Variants in TUBGCP6 observed in about 807,000 individuals in gnomAD.
TUBGCP6 encodes tubulin gamma complex component 6, also known as gamma-tubulin complex component 6.
In TUBGCP6, 161 loss-of-function variants were observed where a neutral mutation model predicts 175.8. The ratio of observed to expected loss-of-function variants is 0.92; its 90% CI spans 0.81 to 1.04. The LOEUF is 1.04. Among genes scored for constraint, TUBGCP6 ranks in the 50% least tolerant of loss-of-function variants. TUBGCP6 has a pLI of 0.00. For synonymous variants in TUBGCP6, 1,173 were observed against 1,030.5 expected, an observed-to-expected ratio of 1.14 and a Z score of -2.65; for missense variants, 2,572 against 2,433.0, an observed-to-expected ratio of 1.06 and a Z score of -1.20.
In TUBGCP6 at chr22:50,219,278, G is replaced by A. The variant is rs1222095505; in HGVS notation, c.4484+10C>T. 1 of 1,607,128 alleles carries A rather than the reference G, an allele frequency of 6.2e-7. No homozygotes were observed. The highest frequency in any genetic ancestry group is 8.5e-7 in the Non-Finnish European group (1 of 1,177,804). On this transcript the variant is annotated intron_variant, in intron 19 of 24. Transcript: ENST00000248846. ...GGTGGGCAGACTGGCGCAGGGGCAG[G>A]GGCACTCACTGGGCGGCCAGCGGTG...
chr22:50,226,293 A>G lies in TUBGCP6; in HGVS notation c.1687T>C (p.Phe563Leu). Reference sequence around the variant, plus strand: ...GCAATCAGCTGCCACCTACCTCGGAAGCTGAGGTACTCGTGGTTCACCTGA... The same window carrying G: ...GCAATCAGCTGCCACCTACCTCGGAGGCTGAGGTACTCGTGGTTCACCTGA... ...MIQVNHEYLS[F>L]RDKLYWTHGY... The change falls in exon 8 of 25, where the codon TTC becomes CTC. Residue 563 changes from phenylalanine (F) to leucine (L), a missense_variant. Transcript: ENST00000248846. 6.2e-7 allele frequency: 1 copy of G among 1,613,950 alleles called. No homozygotes were observed. The highest frequency in any genetic ancestry group is 8.5e-7 in the Non-Finnish European group (1 of 1,179,976).
At chr22:50,234,888 T>G (rs1349787164) in intron 2 of TUBGCP6, among the ~76,000 whole-genome samples, 1 of 126,206 alleles carries the variant, frequency 7.9e-6, no homozygotes, top group East Asian at 2.6e-4. Flanking sequence ...CATGGCAGCA[T>G]CATCCACACC....
At position 50,227,018 on chromosome 22, in the gene TUBGCP6, G is replaced by T. The variant is rs2064622078; in HGVS notation, c.1472C>A (p.Pro491His). The change falls in exon 6 of 25, where the codon CCC becomes CAC. Residue 491 changes from proline (P) to histidine (H), a missense_variant. Pro to His is a moderately conservative substitution (Grantham distance 77). Transcript: ENST00000248846. ...AVLPGTCGGG[P>H]RAAFPTGVKL... ...ACTCACGGTGGGAAACGCGGCCCTG[G>T]GGCCTCCTCCACAGGTGCCCGGGAG... 2 of 1,612,220 alleles carry T rather than the reference G, an allele frequency of 1.2e-6. No individual in the cohort carries two copies.
intron 2 of TUBGCP6, among the ~76,000 whole-genome samples, chr22:50,237,673 C>A (rs927094305): frequency 6.6e-6 from 1 of 152,132 alleles, no homozygotes; most frequent in African/African-American, 2.4e-5. Flanking sequence ...CAGGCCCCAC[C>A]GTGCCGGAGC....
At chr22:50,236,683 T>C (rs926815394) in intron 2 of TUBGCP6, among the ~76,000 whole-genome samples, 1 of 152,182 alleles carries the variant, frequency 6.6e-6, no homozygotes, top group African/African-American at 2.4e-5. Flanking sequence ...AGACCAGCCC[T>C]GAGATGTCCA....
intron 2 of TUBGCP6, among the ~76,000 whole-genome samples, chr22:50,238,928 C>T (rs2064808551): frequency 6.6e-6 from 1 of 152,190 alleles, no homozygotes; most frequent in Non-Finnish European, 1.5e-5. Context: ...CACCACCGTG[C>T]TGGGAAGCAG....
At chr22:50,234,788 C>T (rs533422413) in intron 2 of TUBGCP6, among the ~76,000 whole-genome samples, 2 of 150,134 alleles carry the variant, frequency 1.3e-5, no homozygotes, top group African/African-American at 4.9e-5. Flanking sequence ...GCAGCATCCA[C>T]ATCCAGGTCC....
chr22:50,225,770 C>G (rs780268184), intron 10 of TUBGCP6, 24 bp downstream of exon 10: 1 of 1,599,808 alleles, frequency 6.3e-7, no homozygotes, highest in Non-Finnish European at 8.5e-7. Flanking sequence ...GAAGAAAGCC[C>G]CCGAGACCTG....
At chr22:50,232,517 C>T (rs2064707030) in intron 3 of TUBGCP6, among the ~76,000 whole-genome samples, 1 of 151,810 alleles carries the variant, frequency 6.6e-6, no homozygotes, top group Non-Finnish European at 1.5e-5. Flanking sequence ...TGTGATGGTG[C>T]CACTGCACTC....
intron 3 of TUBGCP6, among the ~76,000 whole-genome samples, chr22:50,229,903 G>A (rs933433201): frequency 6.6e-6 from 1 of 152,130 alleles, no homozygotes; most frequent in African/African-American, 2.4e-5. Flanking sequence ...CGTGAGACCC[G>A]CTCATTTGAC....
chr22:50,237,575 G>A (rs918833646), intron 2 of TUBGCP6, among the ~76,000 whole-genome samples: 2 of 152,200 alleles, frequency 1.3e-5, no homozygotes. Flanking sequence ...GCAGGGCCCT[G>A]GGCAGAGAAA....
At chr22:50,239,378 T>G (rs1279808543) in intron 2 of TUBGCP6, among the ~76,000 whole-genome samples, 1 of 152,170 alleles carries the variant, frequency 6.6e-6, no homozygotes, top group Non-Finnish European at 1.5e-5. Context: ...GGTTTCACCA[T>G]GTTGCCCAGG....
In TUBGCP6 at chr22:50,244,535, G is replaced by A; in HGVS notation, c.-76C>T. 12 of 1,489,000 alleles carry A rather than the reference G, an allele frequency of 8.1e-6. No individual in the cohort carries two copies. Among genetic ancestry groups the A allele is most frequent in the Non-Finnish European group, 1.1e-5 (12 of 1,123,778 alleles). The allele number at this position is 1,489,000 out of a possible 1,614,324, so 92.2% of individuals were successfully genotyped here. A position where few individuals can be genotyped will look rare whatever the true frequency, so the allele number is the denominator to read the frequency against. ...GCTTCACTCACGCTCCGGAAGACAGGGAGTGAGAGAGGGTCCGAAGAGGCT... is the reference window on the plus strand; with the variant it reads ...GCTTCACTCACGCTCCGGAAGACAGAGAGTGAGAGAGGGTCCGAAGAGGCT... On this transcript the variant is annotated 5_prime_UTR_variant, in exon 1 of 25. Transcript: ENST00000248846.
chr22:50,218,328 C>T lies in TUBGCP6; in HGVS notation c.5029G>A (p.Val1677Met), dbSNP rs1246856991. ...QLFKHEMQHFVKVIQGYIANQ... is the reference protein window; with the variant it reads ...QLFKHEMQHFMKVIQGYIANQ... ...GCGATGTAGCCCTGGATGACCTTCACGAAATGCTGCATCTCGTGCTTGAAC... is the reference window on the plus strand; with the variant it reads ...GCGATGTAGCCCTGGATGACCTTCATGAAATGCTGCATCTCGTGCTTGAAC... The change falls in exon 23 of 25, where the codon GTG becomes ATG. Residue 1677 changes from valine to methionine, a missense_variant. By Grantham distance (21) the Val-to-Met change is conservative. Coordinates refer to ENST00000248846, the MANE Select transcript of TUBGCP6 (RefSeq NM_020461.4). 5.6e-6 allele frequency: 9 copies of T among 1,612,970 alleles called. No individual in the cohort carries two copies. The highest frequency in any genetic ancestry group is 6.8e-6 in the Non-Finnish European group (8 of 1,180,008).
intron 2 of TUBGCP6, among the ~76,000 whole-genome samples, chr22:50,238,077 G>A (rs2064797844): frequency 6.6e-6 from 1 of 152,090 alleles, no homozygotes; most frequent in African/African-American, 2.4e-5. Flanking sequence ...AGGTTGCAGT[G>A]AGCCAAGATT....
chr22:50,234,521 C>T (rs574583719), intron 2 of TUBGCP6, among the ~76,000 whole-genome samples: 1 of 149,336 alleles, frequency 6.7e-6, no homozygotes, highest in Non-Finnish European at 1.5e-5. Flanking sequence ...ACAGCAGCAT[C>T]CACACCCAGT....
intron 21 of TUBGCP6, 30 bp from the exon 22 acceptor site, chr22:50,218,650 C>A (rs1315652082): frequency 6.2e-7 from 1 of 1,613,654 alleles, no homozygotes; most frequent in South Asian, 1.1e-5. Context: ...AGCAGGCATC[C>A]CACAGGCAGG....
chr22:50,237,655 A>C (rs1431974897), intron 2 of TUBGCP6, among the ~76,000 whole-genome samples: 1 of 152,058 alleles, frequency 6.6e-6, no homozygotes, highest in Admixed American at 6.5e-5. Context: ...CCCTATAGGA[A>C]CCACCGCCAG....
At chr22:50,235,731 G>A (rs2064770578) in intron 2 of TUBGCP6, among the ~76,000 whole-genome samples, 1 of 152,180 alleles carries the variant, frequency 6.6e-6, no homozygotes, top group Non-Finnish European at 1.5e-5. Flanking sequence ...CACGAGGTCA[G>A]GAGTTCAAGA....
Sources: allele counts gnomAD v4.1 joint callset (sites outside exome capture counted in the v4.1 genomes callset), GRCh38; gene constraint gnomAD v4.1.1; transcripts MANE v1.5; gene names NCBI Gene and HGNC (gene_info 2026-07-23, HGNC 2026-07-21).